The following HEXB variants were observed in gnomAD, a reference collection of about 807,000 sequenced individuals.
HEXB encodes hexosaminidase subunit beta, also known as beta-hexosaminidase subunit beta.
A neutral mutation model predicts 71.2 loss-of-function variants in HEXB; 51 were observed. The observed-to-expected ratio is 0.72, with a 90% CI of 0.57 to 0.90. The LOEUF is 0.90. HEXB is among the 40% of genes least tolerant of loss of function. The pLI is 0.00. For synonymous variants in HEXB, 266 were observed against 249.3 expected, an observed-to-expected ratio of 1.07 and a Z score of -0.63; for missense variants, 617 against 677.0, an observed-to-expected ratio of 0.91 and a Z score of 0.98.
rs779668638 is a variant in HEXB at position 74,652,305 on chromosome 5, G to A, written c.-377+11747G>A. ...TTGTGCAAGAATCCAGTTATTAAAT[G>A]GCAGAATCCAGACCCCTCGCTTTCT... is the stretch of plus-strand genomic sequence containing the variant. On this transcript the variant is annotated intron_variant, in intron 1 of 13. Transcript: ENST00000511181. This position sits in a 1 kb window ranked among gnomAD's most constrained non-coding sequence, Gnocchi z 5.4. Among the ~76,000 whole-genome samples, 1 of 152,108 alleles carries A rather than the reference G, an allele frequency of 6.6e-6. No individual in the cohort carries two copies. The highest frequency in any genetic ancestry group is 1.5e-5 in the Non-Finnish European group (1 of 68,012).
At chr5:74,715,801 G>A in intron 8 of HEXB, 111 bp downstream of exon 8, 1 of 762,316 alleles carries the variant, frequency 1.3e-6, no homozygotes. Context: ...CAGATCACCT[G>A]AGGTCAGGAG....
At chr5:74,670,838 T>C (rs1275388167) in intron 1 of HEXB, among the ~76,000 whole-genome samples, 1 of 152,108 alleles carries the variant, frequency 6.6e-6, no homozygotes, top group Admixed American at 6.5e-5. Context: ...GCTCCTGTGC[T>C]GCTTGGAACA....
At chr5:74,670,759 G>C (rs1404644441) in intron 1 of HEXB, among the ~76,000 whole-genome samples, 1 of 152,206 alleles carries the variant, frequency 6.6e-6, no homozygotes, top group Non-Finnish European at 1.5e-5. Flanking sequence ...CTCTTGTTTA[G>C]ATGCTGGAGT....
At chr5:74,681,632 GAGTT>G (rs1748740789), upstream of HEXB, among the ~76,000 whole-genome samples, 2 of 152,150 alleles carry the variant, frequency 1.3e-5, no homozygotes, top group Admixed American at 1.3e-4. Context: ...TAATGAGTCA[GAGTT>G]AATAACGGGG....
chr5:74,705,141 C>A, intron 5 of HEXB, 78 bp from the exon 6 acceptor site: 2 of 815,840 alleles, frequency 2.5e-6, no homozygotes, highest in Non-Finnish European at 4.2e-6. Context: ...ATATTGGAAG[C>A]AATTCCAAAT....
At chr5:74,664,515 A>C (rs1246256943) in intron 1 of HEXB, among the ~76,000 whole-genome samples, 4 of 151,850 alleles carry the variant, frequency 2.6e-5, no homozygotes, top group African/African-American at 7.3e-5. Flanking sequence ...AATAAATTAC[A>C]TTCTCCCATT....
Position 74,641,466 on chromosome 5 carries a change from C to T in HEXB, c.-377+908C>T, listed in dbSNP as rs967868117. 1.3e-5 allele frequency: 2 copies of T among 152,382 alleles called. No homozygotes were observed. The highest frequency in any genetic ancestry group is 1.3e-4 in the Admixed American group (2 of 15,298). 9.4% of individuals were successfully genotyped at this position (152,382 alleles called of 1,614,324 possible). A position where few individuals can be genotyped will look rare whatever the true frequency, so the allele number is the denominator to read the frequency against. On this transcript the variant is annotated intron_variant, in intron 1 of 13. Coordinates refer to the HEXB transcript ENST00000511181. The surrounding 1 kb of genome is among the most constrained non-coding windows in gnomAD (Gnocchi z 4.1). ...CTGCAGGGGCAGCCGGGGCGCAGTC[C>T]TGCGGGGCGCGCACCACGTGCTTTT... is the stretch of plus-strand genomic sequence containing the variant.
At chr5:74,650,431 T>C (rs953611432) in intron 1 of HEXB, among the ~76,000 whole-genome samples, 22 of 152,268 alleles carry the variant, frequency 1.4e-4, no homozygotes, top group African/African-American at 5.3e-4. Flanking sequence ...AAACATGAAC[T>C]AACAGTATAA....
chr5:74,696,511 C>A (rs1431953121), intron 3 of HEXB, among the ~76,000 whole-genome samples, 182 bp from the exon 4 acceptor site: 1 of 151,736 alleles, frequency 6.6e-6, no homozygotes, highest in Non-Finnish European at 1.5e-5. Flanking sequence ...TTTAATTTGG[C>A]TTTGATTTTA....
At chr5:74,691,768 T>G (rs1334704466) in intron 2 of HEXB, among the ~76,000 whole-genome samples, 1 of 152,228 alleles carries the variant, frequency 6.6e-6, no homozygotes, top group African/African-American at 2.4e-5. Context: ...ATTATATTGC[T>G]TTTAAACAGA....
chr5:74,694,285 T>C (rs527610676), intron 3 of HEXB, among the ~76,000 whole-genome samples: 1 of 152,360 alleles, frequency 6.6e-6, no homozygotes, highest in Admixed American at 6.5e-5. Flanking sequence ...GTAATGTTTA[T>C]AGCACTACAC....
chr5:74,709,566 A>G (rs1364923853), intron 6 of HEXB, among the ~76,000 whole-genome samples: 2 of 152,172 alleles, frequency 1.3e-5, no homozygotes, highest in Non-Finnish European at 1.5e-5. Flanking sequence ...AAAAAAAGAG[A>G]GAAGAATCAA....
intron 6 of HEXB, among the ~76,000 whole-genome samples, chr5:74,712,029 C>G (rs1482425065): frequency 6.8e-6 from 1 of 146,756 alleles, no homozygotes; most frequent in East Asian, 2.0e-4. Flanking sequence ...TTGGAACCAA[C>G]CCAAATGTCC....
chr5:74,667,995 G>C (rs1748464134), intron 1 of HEXB, among the ~76,000 whole-genome samples: 1 of 152,066 alleles, frequency 6.6e-6, no homozygotes, highest in Non-Finnish European at 1.5e-5. Context: ...GACTGGGAAG[G>C]GCTAAATGGT....
chr5:74,719,643 T>C (rs1242234352), intron 11 of HEXB, among the ~76,000 whole-genome samples: 2 of 152,180 alleles, frequency 1.3e-5, no homozygotes, highest in African/African-American at 2.4e-5. Flanking sequence ...TAATTACTGA[T>C]TTTTAAAAAG....
At chr5:74,683,602 C>A (rs1342211623), upstream of HEXB, among the ~76,000 whole-genome samples, 1 of 152,092 alleles carries the variant, frequency 6.6e-6, no homozygotes, top group African/African-American at 2.4e-5. Flanking sequence ...CCATGCCCAA[C>A]AGTGGCTCTA....
intron 11 of HEXB, 173 bp from the exon 12 acceptor site, chr5:74,720,255 A>C: frequency 2.3e-5 from 14 of 610,420 alleles, no homozygotes; most frequent in East Asian, 1.5e-4. Context: ...GGGTGGGGGA[A>C]GAGGAGGGGC....
At chr5:74,703,953 A>G (rs917788212) in intron 5 of HEXB, among the ~76,000 whole-genome samples, 1 of 152,224 alleles carries the variant, frequency 6.6e-6, no homozygotes, top group African/African-American at 2.4e-5. Context: ...TACTGGGGTT[A>G]CAGATGTGAG....
chr5:74,685,171 G>C (rs1313363598), upstream of HEXB: 1 of 1,352,468 alleles, frequency 7.4e-7, no homozygotes, highest in East Asian at 2.9e-5. Context: ...TGACTCACCC[G>C]CGGCCGCGCT....
Sources: gnomAD v4.1 joint callset for allele counts (sites outside exome capture counted in the v4.1 genomes callset) on GRCh38, gnomAD v4.1.1 for gene constraint, Gnocchi (gnomAD v3.1) non-coding constraint, MANE v1.5 for transcripts, NCBI Gene and HGNC (gene_info 2026-07-23, HGNC 2026-07-21) for gene names.